The following SLC25A21 variants were observed in gnomAD, a reference collection of about 807,000 sequenced individuals.
SLC25A21 encodes mitochondrial 2-oxodicarboxylate carrier.
A neutral mutation model predicts 43.8 loss-of-function variants in SLC25A21; 47 were observed. That is an observed-to-expected ratio of 1.07 (90% CI 0.85 to 1.37). SLC25A21 has a LOEUF of 1.37. Among genes scored for constraint, SLC25A21 ranks in the 40% most tolerant of loss-of-function variants. SLC25A21 has a pLI of 0.00. For synonymous variants in SLC25A21, 131 were observed against 121.3 expected (o/e 1.08, Z -0.52); for missense variants, 352 against 350.2 (o/e 1.00, Z -0.04).
chr14:37,102,091 T>C (rs1049256529), intron 1 of SLC25A21, among the ~76,000 whole-genome samples: 3 of 152,192 alleles, frequency 2.0e-5, no homozygotes, highest in African/African-American at 7.2e-5. Flanking sequence ...AACTTTATTA[T>C]ATGTATAAGT....
intron 1 of SLC25A21, among the ~76,000 whole-genome samples, chr14:37,064,672 C>T (rs1962023735): frequency 6.6e-6 from 1 of 152,134 alleles, no homozygotes; most frequent in Non-Finnish European, 1.5e-5. Context: ...CTACCACCAT[C>T]ACCAACACCC....
intron 1 of SLC25A21, among the ~76,000 whole-genome samples, chr14:37,101,288 T>TA (rs1962812740): frequency 6.6e-6 from 1 of 152,212 alleles, no homozygotes; most frequent in African/African-American, 2.4e-5. Flanking sequence ...TTTCTTCTTC[T>TA]AAGTCAGTTT....
intron 1 of SLC25A21, among the ~76,000 whole-genome samples, chr14:37,059,309 A>T (rs1851364112): frequency 6.6e-6 from 1 of 152,210 alleles, no homozygotes; most frequent in African/African-American, 2.4e-5. Flanking sequence ...AAAGTTAAGT[A>T]ACCTGTCCAA....
At chr14:36,791,547 T>C (rs1430780236) in intron 3 of SLC25A21, among the ~76,000 whole-genome samples, 1 of 152,154 alleles carries the variant, frequency 6.6e-6, no homozygotes, top group East Asian at 1.9e-4. Context: ...TCTTTCCAGA[T>C]GAAAAGATAC....
intron 7 of SLC25A21, among the ~76,000 whole-genome samples, chr14:36,688,439 G>A (rs952213635): frequency 6.6e-6 from 1 of 152,220 alleles, no homozygotes; most frequent in Non-Finnish European, 1.5e-5. Flanking sequence ...CACTGTAGGT[G>A]CTAAATAAAC....
chr14:37,008,215 T>C (rs1960651582), intron 1 of SLC25A21, among the ~76,000 whole-genome samples: 2 of 152,294 alleles, frequency 1.3e-5, no homozygotes, highest in Non-Finnish European at 2.9e-5. Context: ...AAACTCATGG[T>C]TGAAAGAGAC....
chr14:36,856,835 C>CAGTCAG (rs1889914164), intron 2 of SLC25A21, among the ~76,000 whole-genome samples: 1 of 152,180 alleles, frequency 6.6e-6, no homozygotes, highest in African/African-American at 2.4e-5. Context: ...AGAAAACATG[C>CAGTCAG]AGTCAGATGG....
At chr14:36,987,635 T>G (rs1055452938) in intron 1 of SLC25A21, among the ~76,000 whole-genome samples, 1 of 152,170 alleles carries the variant, frequency 6.6e-6, no homozygotes, top group Non-Finnish European at 1.5e-5. Flanking sequence ...TGCTACATAA[T>G]ATTTCATCAT....
chr14:36,832,212 A>G (rs17105452), intron 2 of SLC25A21, among the ~76,000 whole-genome samples: 14,061 of 152,220 alleles, frequency 0.092, 924 homozygotes, highest in East Asian at 0.31. Flanking sequence ...AGTGGAAATC[A>G]AAAAGTATGT....
chr14:36,939,614 G>A (rs547297125), intron 1 of SLC25A21, among the ~76,000 whole-genome samples: 4 of 152,092 alleles, frequency 2.6e-5, no homozygotes, highest in African/African-American at 7.2e-5. Flanking sequence ...TGTCCTATGT[G>A]AGAGAAACCT....
At chr14:36,768,973 A>ATATCTG (rs3061625) in intron 3 of SLC25A21, among the ~76,000 whole-genome samples, 65,950 of 147,856 alleles carry the variant, frequency 0.45, 15,529 homozygotes, top group East Asian at 0.68. Flanking sequence ...ATCTATATCT[A>ATATCTG]TATCTATATC....
chr14:36,795,514 T>C (rs1887641994), intron 3 of SLC25A21, among the ~76,000 whole-genome samples: 1 of 152,216 alleles, frequency 6.6e-6, no homozygotes, highest in South Asian at 2.1e-4. Flanking sequence ...CACTTAGACA[T>C]GTGTTGCTTG....
chr14:36,988,105 A>G (rs1960185474), intron 1 of SLC25A21, among the ~76,000 whole-genome samples: 1 of 152,206 alleles, frequency 6.6e-6, no homozygotes, highest in South Asian at 2.1e-4. Flanking sequence ...GGCCTTGTGG[A>G]GAGCACAGTC....
At chr14:36,727,711 AAAAG>A (rs904694516) in intron 5 of SLC25A21, among the ~76,000 whole-genome samples, 2 of 152,202 alleles carry the variant, frequency 1.3e-5, no homozygotes, top group Middle Eastern at 3.4e-3. Flanking sequence ...AAGAAAATGA[AAAAG>A]AAAGAAAGAA....
chr14:36,729,620 C>G (rs543970643), intron 4 of SLC25A21, 54 bp from the exon 5 acceptor site: 3 of 1,403,594 alleles, frequency 2.1e-6, no homozygotes, highest in Admixed American at 4.1e-5. Flanking sequence ...GCAACAAACT[C>G]TTTAATTGAC....
intron 1 of SLC25A21, among the ~76,000 whole-genome samples, chr14:37,077,139 T>C (rs1288093809): frequency 1.3e-5 from 2 of 152,292 alleles, no homozygotes; most frequent in Middle Eastern, 3.4e-3. Context: ...TGCCAGAAGA[T>C]ATAGTCAATA....
chr14:36,762,220 C>G (rs1280981625), intron 3 of SLC25A21, among the ~76,000 whole-genome samples: 1 of 152,118 alleles, frequency 6.6e-6, no homozygotes, highest in Non-Finnish European at 1.5e-5. Context: ...ACTAACAATT[C>G]CTATTGGATG....
intron 1 of SLC25A21, among the ~76,000 whole-genome samples, chr14:36,965,216 G>A (rs986343934): frequency 3.9e-5 from 6 of 152,052 alleles, no homozygotes; most frequent in Admixed American, 1.3e-4. Context: ...GTAGACTTAT[G>A]CTTTAAGCAA....
At chr14:36,810,858 T>G (rs1360685341) in intron 3 of SLC25A21, among the ~76,000 whole-genome samples, 2 of 38,664 alleles carry the variant, frequency 5.2e-5, no homozygotes, top group African/African-American at 1.4e-4. Context: ...GTGCTATATT[T>G]TATACAGCAT....
Sources: allele counts gnomAD v4.1 joint callset (sites outside exome capture counted in the v4.1 genomes callset), GRCh38; gene constraint gnomAD v4.1.1; transcripts MANE v1.5; gene names NCBI Gene and HGNC (gene_info 2026-07-23, HGNC 2026-07-21).